ADGRB3: variants seen among roughly 807,000 people sequenced by gnomAD.
The protein encoded by ADGRB3 is brain-specific angiogenesis inhibitor 3.
ADGRB3 carries 37 observed loss-of-function variants against 193.4 expected under a neutral mutation model. That is an observed-to-expected ratio of 0.19 (90% CI 0.15 to 0.25). The LOEUF is 0.25. Among genes scored for constraint, ADGRB3 ranks in the 10% least tolerant of loss-of-function variants. The pLI is 1.00. For missense variants in ADGRB3, 1,637 were observed against 1,852.9 expected (o/e 0.88, Z 2.14); for synonymous variants, 690 against 644.2 (o/e 1.07, Z -1.08).
chr6:69,065,788 CA>C (rs1482240742), intron 16 of ADGRB3, among the ~76,000 whole-genome samples: 3 of 151,566 alleles, frequency 2.0e-5, no homozygotes, highest in Non-Finnish European at 4.4e-5. Context: ...CACACACACA[CA>C]CACACACACA....
chr6:68,777,228 C>T (rs955413311), intron 3 of ADGRB3, among the ~76,000 whole-genome samples: 5 of 152,070 alleles, frequency 3.3e-5, no homozygotes, highest in Non-Finnish European at 7.3e-5. Context: ...AGTGATATAA[C>T]CTTTTGCCAT....
chr6:69,165,886 C>T (rs1383673558), intron 17 of ADGRB3, among the ~76,000 whole-genome samples: 1 of 151,924 alleles, frequency 6.6e-6, no homozygotes, highest in African/African-American at 2.4e-5. Flanking sequence ...GAAACTGAGG[C>T]ACAAGGGACT....
intron 17 of ADGRB3, among the ~76,000 whole-genome samples, chr6:69,157,938 G>T (rs1774889584): frequency 1.3e-5 from 2 of 152,036 alleles, no homozygotes; most frequent in African/African-American, 4.8e-5. Context: ...TTTTAAGTGT[G>T]ATTTTAACAT....
At chr6:69,101,737 T>A (rs1773061466) in intron 17 of ADGRB3, among the ~76,000 whole-genome samples, 1 of 151,994 alleles carries the variant, frequency 6.6e-6, no homozygotes, top group Admixed American at 6.6e-5. Flanking sequence ...TGTAATCTCA[T>A]AAAGCCCTAT....
At chr6:69,227,902 G>A (rs77306169) in intron 17 of ADGRB3, among the ~76,000 whole-genome samples, 304 of 152,206 alleles carry the variant, frequency 2.0e-3, no homozygotes, top group African/African-American at 6.8e-3. Context: ...AATGAATTAC[G>A]ACAAAAACAA....
At chr6:68,910,655 A>T (rs1766677162) in intron 3 of ADGRB3, among the ~76,000 whole-genome samples, 1 of 152,242 alleles carries the variant, frequency 6.6e-6, no homozygotes, top group Non-Finnish European at 1.5e-5. Context: ...CCATTTATTA[A>T]ATAGGGAATC....
At chr6:69,286,433 C>G (rs1464419838) in intron 20 of ADGRB3, among the ~76,000 whole-genome samples, 1 of 152,114 alleles carries the variant, frequency 6.6e-6, no homozygotes, top group East Asian at 1.9e-4. Context: ...TGTGAGAACC[C>G]CAACTTAGAA....
chr6:68,987,324 T>A (rs7773406), intron 10 of ADGRB3, among the ~76,000 whole-genome samples: 30 of 152,262 alleles, frequency 2.0e-4, no homozygotes, highest in African/African-American at 6.5e-4. Context: ...CTACAAAATC[T>A]TCTATAGGTA....
At chr6:68,800,266 A>C (rs2127370537) in intron 3 of ADGRB3, among the ~76,000 whole-genome samples, 1 of 152,330 alleles carries the variant, frequency 6.6e-6, no homozygotes, top group East Asian at 1.9e-4. Flanking sequence ...TGAGCAATTG[A>C]AGTATGGGAA....
intron 24 of ADGRB3, 138 bp downstream of exon 24, chr6:69,333,146 A>G: frequency 1.0e-6 from 1 of 974,560 alleles, no homozygotes; most frequent in Non-Finnish European, 1.5e-6. Context: ...ATTCTGCTAT[A>G]TAAAAGTTTC....
chr6:69,040,307 C>CCCTT (rs1554251201), intron 13 of ADGRB3, among the ~76,000 whole-genome samples: 1 of 94,758 alleles, frequency 1.1e-5, no homozygotes, highest in African/African-American at 4.5e-5. Context: ...CTTTCTCTGT[C>CCCTT]TCTTTCTTTC....
intron 20 of ADGRB3, among the ~76,000 whole-genome samples, chr6:69,289,969 C>A (rs1767632645): frequency 6.6e-6 from 1 of 151,938 alleles, no homozygotes; most frequent in African/African-American, 2.4e-5. Flanking sequence ...GGATTGGATA[C>A]CCACAAACAT....
At chr6:69,220,105 T>G (rs1283541008) in intron 17 of ADGRB3, among the ~76,000 whole-genome samples, 3 of 152,078 alleles carry the variant, frequency 2.0e-5, no homozygotes, top group African/African-American at 7.2e-5. Flanking sequence ...TTAATGTTTT[T>G]GGGAGATTTT....
chr6:69,139,488 G>C, intron 17 of ADGRB3, among the ~76,000 whole-genome samples: 1 of 152,208 alleles, frequency 6.6e-6, no homozygotes, highest in Admixed American at 6.5e-5. Flanking sequence ...TGCATTTTAT[G>C]TGAGGAATGG....
chr6:68,641,604 G>A (rs949313527), intron 3 of ADGRB3, among the ~76,000 whole-genome samples: 4 of 152,144 alleles, frequency 2.6e-5, no homozygotes, highest in African/African-American at 9.7e-5. Context: ...TCTCTATTCT[G>A]TACATTCTGA....
At position 68,772,221 on chromosome 6, in the gene ADGRB3, G is replaced by A. The variant is rs140926794; in HGVS notation, c.757+132789G>A. On this transcript the variant is annotated intron_variant, in intron 3 of 31. Transcript: ENST00000370598. ...GAAAAGGCCTAGCAATTGATTGGGT[G>A]CACAAGGAAAGGTAGGTGATAGGGA... Among the ~76,000 whole-genome samples the A allele has an allele frequency of 2.1e-3, 319 of 152,194 alleles. 1 individual carries two copies. The highest frequency in any genetic ancestry group is 0.01 in the Middle Eastern group (3 of 294).
intron 3 of ADGRB3, among the ~76,000 whole-genome samples, chr6:68,924,494 A>T (rs767083327): frequency 6.6e-5 from 10 of 152,090 alleles, no homozygotes; most frequent in Non-Finnish European, 1.2e-4. Context: ...TATTGTCTAA[A>T]TATACCGAAT....
At chr6:69,178,674 G>A (rs1775499309) in intron 17 of ADGRB3, among the ~76,000 whole-genome samples, 1 of 152,080 alleles carries the variant, frequency 6.6e-6, no homozygotes, top group Non-Finnish European at 1.5e-5. Context: ...GCACTTGTTT[G>A]CCTCAAAAAA....
chr6:69,088,003 A>G (rs996003361), intron 17 of ADGRB3, among the ~76,000 whole-genome samples: 7 of 152,220 alleles, frequency 4.6e-5, no homozygotes, highest in Non-Finnish European at 1.0e-4. Flanking sequence ...TCTATTTTCT[A>G]TAGTTTCAGG....
Sources: allele counts gnomAD v4.1 joint callset (sites outside exome capture counted in the v4.1 genomes callset), GRCh38; gene constraint gnomAD v4.1.1; transcripts MANE v1.5; gene names NCBI Gene and HGNC (gene_info 2026-07-23, HGNC 2026-07-21).